The following GDPD4 variants were observed in gnomAD, a reference collection of about 807,000 sequenced individuals.
GDPD4 encodes the protein glycerophosphodiester phosphodiesterase domain containing 4, also known as glycerophosphodiester phosphodiesterase 6.
GDPD4 carries 60 observed loss-of-function variants against 67.8 expected under a neutral mutation model. That is an observed-to-expected ratio of 0.88 (90% CI 0.72 to 1.10). GDPD4 has a LOEUF of 1.10. Ranked by LOEUF, GDPD4 falls within the 50% of genes least tolerant of loss-of-function variation. The pLI is 0.00. For missense variants in GDPD4, 623 were observed against 613.9 expected (o/e 1.01, Z -0.16); for synonymous variants, 212 against 210.9 (o/e 1.00, Z -0.04).
At chr11:77,273,711 G>C (rs1959321228) in intron 5 of GDPD4, among the ~76,000 whole-genome samples, 1 of 152,178 alleles carries the variant, frequency 6.6e-6, no homozygotes, top group Admixed American at 6.5e-5. Flanking sequence ...TGAAGCCTAG[G>C]CTCATTGGTA....
chr11:77,234,228 T>G (rs1021810085), intron 13 of GDPD4, among the ~76,000 whole-genome samples: 1 of 152,160 alleles, frequency 6.6e-6, no homozygotes, highest in Non-Finnish European at 1.5e-5. Context: ...TTATCCAATA[T>G]GTTAGAATTG....
intron 13 of GDPD4, 93 bp from the exon 14 acceptor site, chr11:77,233,265 T>G: frequency 8.1e-7 from 1 of 1,242,208 alleles, no homozygotes; most frequent in African/African-American, 1.5e-5. Context: ...GAAAGGCTGT[T>G]GCCTAAATCA....
At chr11:77,220,726 A>C (rs1958209738) in intron 16 of GDPD4, among the ~76,000 whole-genome samples, 1 of 152,214 alleles carries the variant, frequency 6.6e-6, no homozygotes, top group East Asian at 1.9e-4. Context: ...TCATAAAATG[A>C]GTGAGGGAGG....
At chr11:77,254,507 A>G (rs1958965094) in intron 11 of GDPD4, among the ~76,000 whole-genome samples, 1 of 151,708 alleles carries the variant, frequency 6.6e-6, no homozygotes, top group Admixed American at 6.6e-5. Flanking sequence ...GAGTGCTAGT[A>G]TTTTCTAGTT....
chr11:77,274,171 C>G (rs1477195607), intron 5 of GDPD4, among the ~76,000 whole-genome samples: 1 of 152,210 alleles, frequency 6.6e-6, no homozygotes, highest in African/African-American at 2.4e-5. Flanking sequence ...TCAATAAGGC[C>G]TATTTGTTCA....
At chr11:77,296,753 C>T (rs991774490) in intron 1 of GDPD4, among the ~76,000 whole-genome samples, 1 of 151,604 alleles carries the variant, frequency 6.6e-6, no homozygotes, top group Non-Finnish European at 1.5e-5. Flanking sequence ...GATGATATGG[C>T]TGTGTAAAAA....
At chr11:77,250,620 G>A (rs530885475) in intron 11 of GDPD4, among the ~76,000 whole-genome samples, 1 of 152,250 alleles carries the variant, frequency 6.6e-6, no homozygotes, top group East Asian at 1.9e-4. Context: ...TGCTGATGAA[G>A]AGAATGTGTA....
intron 16 of GDPD4, among the ~76,000 whole-genome samples, chr11:77,224,072 GTC>G (rs1958279002): frequency 2.0e-5 from 3 of 152,202 alleles, no homozygotes; most frequent in African/African-American, 7.2e-5. Flanking sequence ...AGGCTGGCGT[GTC>G]TCGATTTTCC....
At chr11:77,220,809 A>G (rs1050903947) in intron 16 of GDPD4, among the ~76,000 whole-genome samples, 1 of 151,776 alleles carries the variant, frequency 6.6e-6, no homozygotes, top group Non-Finnish European at 1.5e-5. Flanking sequence ...TCTCTGGTAG[A>G]ATTCAGCTGT....
chr11:77,288,914 A>G (rs1237487811), intron 1 of GDPD4, among the ~76,000 whole-genome samples: 1 of 152,256 alleles, frequency 6.6e-6, no homozygotes, highest in Non-Finnish European at 1.5e-5. Context: ...AAGAAATCAG[A>G]AAAACAATTC....
Position 77,229,228 on chromosome 11 carries a change from G to C in GDPD4, c.1394C>G (p.Pro465Arg). The C allele has an allele frequency of 1.9e-6, 3 of 1,595,254 alleles. No homozygotes were observed. The highest frequency in any genetic ancestry group is 2.6e-6 in the Non-Finnish European group (3 of 1,168,788). ...QLDHPHFFMT[P>R]KFYVFMWLLA... The stretch of plus-strand genomic sequence containing the variant: ...GAGCCACATGAACACATAGAACTTT[G>C]GTGTCTGAAAAACATAAACCACAGT... Residue 465 changes from proline (P) to arginine (R), a missense_variant, in exon 15 of 17, where the codon CCA becomes CGA. Transcript: ENST00000315938.
chr11:77,217,979 CTTTT>C (rs1349304844), intron 16 of GDPD4, among the ~76,000 whole-genome samples: 1 of 151,232 alleles, frequency 6.6e-6, no homozygotes, highest in Non-Finnish European at 1.5e-5. Context: ...TTAGATTTAC[CTTTT>C]ATTTTTATTA....
intron 13 of GDPD4, among the ~76,000 whole-genome samples, chr11:77,242,888 C>G (rs1048851853): frequency 4.0e-5 from 6 of 151,872 alleles, no homozygotes; most frequent in African/African-American, 9.7e-5. Flanking sequence ...ATGCAACAGC[C>G]TTTTACTAAA....
intron 7 of GDPD4, among the ~76,000 whole-genome samples, chr11:77,270,347 T>C (rs1045950288): frequency 1.3e-5 from 2 of 152,214 alleles, no homozygotes; most frequent in East Asian, 3.8e-4. Flanking sequence ...AGTCCTCAGG[T>C]ATGACATGGT....
chr11:77,282,327 ATACT>A (rs1373494047), intron 3 of GDPD4, among the ~76,000 whole-genome samples: 2 of 152,112 alleles, frequency 1.3e-5, no homozygotes, highest in Middle Eastern at 6.3e-3. Flanking sequence ...GTAATAAAAA[ATACT>A]TAATATAAAA....
At chr11:77,226,414 G>C (rs1045458033) in intron 16 of GDPD4, among the ~76,000 whole-genome samples, 1 of 151,810 alleles carries the variant, frequency 6.6e-6, no homozygotes, top group East Asian at 1.9e-4. Context: ...ATGAGAAGAG[G>C]AAGAGAGACC....
At chr11:77,242,727 A>AT (rs1382709285) in intron 13 of GDPD4, among the ~76,000 whole-genome samples, 3 of 152,174 alleles carry the variant, frequency 2.0e-5, no homozygotes, top group Non-Finnish European at 4.4e-5. Flanking sequence ...TATGCTCAAA[A>AT]TAGAAGAGTA....
chr11:77,260,634 T>G (rs1343073149), intron 10 of GDPD4, among the ~76,000 whole-genome samples: 1 of 152,050 alleles, frequency 6.6e-6, no homozygotes, highest in African/African-American at 2.4e-5. Context: ...TAGACAAGGG[T>G]GTTAAACAGT....
intron 4 of GDPD4, among the ~76,000 whole-genome samples, chr11:77,277,449 G>A (rs1316744543): frequency 8.4e-6 from 1 of 119,086 alleles, no homozygotes; most frequent in Admixed American, 1.2e-4. Flanking sequence ...CGTCCAGGCT[G>A]GAGTGCAGTG....
Sources: allele counts gnomAD v4.1 joint callset (sites outside exome capture counted in the v4.1 genomes callset), GRCh38; gene constraint gnomAD v4.1.1; transcripts MANE v1.5; gene names NCBI Gene and HGNC (gene_info 2026-07-23, HGNC 2026-07-21).